NACC2: variants seen among roughly 807,000 people sequenced by gnomAD.
The protein encoded by NACC2 is nucleus accumbens-associated protein 2.
Under a neutral mutation model 25.1 loss-of-function variants are expected in NACC2, and 8 were observed. The ratio of observed to expected loss-of-function variants is 0.32; its 90% CI spans 0.19 to 0.57. The LOEUF (loss-of-function observed/expected upper bound fraction) is 0.57. Among genes scored for constraint, NACC2 ranks in the 20% least tolerant of loss-of-function variants. The pLI, the probability that NACC2 is intolerant of heterozygous loss-of-function variation, is 0.89. For synonymous variants in NACC2, 435 were observed against 294.7 expected, an observed-to-expected ratio of 1.48 and a Z score of -4.88; for missense variants, 644 against 650.2, an observed-to-expected ratio of 0.99 and a Z score of 0.10.
Position 136,086,525 on chromosome 9 carries a change from C to G in NACC2, c.-60+8664G>C, listed in dbSNP as rs1830380358. Among the ~76,000 whole-genome samples the G allele has an allele frequency of 6.6e-6, 1 of 152,184 alleles. No individual in the cohort carries two copies. Among genetic ancestry groups the G allele is most frequent in the African/African-American group, 2.4e-5 (1 of 41,448 alleles). The stretch of plus-strand genomic sequence containing the variant: ...ATGCCCCCAGCTTCCCGACAGCCAT[C>G]TGCCTGCCAGCACCCAGCCACGGTC... On this transcript the variant is annotated intron_variant, in intron 1 of 5. Transcript: ENST00000277554. The surrounding 1 kb of genome is among the most constrained non-coding windows in gnomAD (Gnocchi z 5.6).
At chr9:136,040,028 T>C (rs1840604473) in intron 2 of NACC2, among the ~76,000 whole-genome samples, 1 of 152,180 alleles carries the variant, frequency 6.6e-6, no homozygotes, top group Non-Finnish European at 1.5e-5. Context: ...GGTTGTAGAA[T>C]ACAAGGTCAA....
In NACC2 at chr9:136,007,441, GCGCACACACA is replaced by G. The variant is rs1840034232; in HGVS notation, c.*4065_*4074del. On this transcript the variant is annotated 3_prime_UTR_variant, in exon 6 of 6. Transcript: ENST00000277554. ...CGCGCGTGCACACATACACACAGAC[GCGCACACACA>G]CGCGCACACAGACGCACACACACAG... 9.0e-6 allele frequency: 1 copy of G among 111,536 alleles called. No homozygotes were observed. Among genetic ancestry groups the G allele is most frequent in the Non-Finnish European group, 1.9e-5 (1 of 51,566 alleles). The allele number at this position is 111,536 out of a possible 1,614,324, so 6.9% of individuals were successfully genotyped here.
intron 5 of NACC2, 22 bp from the exon 6 acceptor site, chr9:136,012,046 A>C (rs368882369): frequency 5.1e-5 from 77 of 1,501,160 alleles, no homozygotes; most frequent in Non-Finnish European, 6.7e-5. Context: ...GGGCGGCGTG[A>C]GCTCAGCCAC....
rs994225049 is a variant in NACC2 at position 136,036,412 on chromosome 9, T to C, written c.886+13224A>G. 2.1e-3 allele frequency among the ~76,000 whole-genome samples: 316 copies of C among 152,256 alleles called. 1 individual carries two copies. The highest frequency in any genetic ancestry group is 7.1e-3 in the African/African-American group (295 of 41,562). On this transcript the variant is annotated intron_variant, in intron 2 of 5. Transcript: ENST00000277554. ...TCACCTTAAGGAGAAGAAAAATCAG[T>C]AAACAGAAACAGACCAAGAAATGAC... is the stretch of plus-strand genomic sequence containing the variant.
At chr9:136,042,285 G>C (rs1039948745) in intron 2 of NACC2, among the ~76,000 whole-genome samples, 3,509 of 152,244 alleles carry the variant, frequency 0.023, 74 homozygotes, top group Non-Finnish European at 0.03. Flanking sequence ...ACCTTGTCCA[G>C]CCCAAAACAA....
At chr9:136,069,548 AAAAACAAAACAAAAC>A (rs377428585) in intron 1 of NACC2, among the ~76,000 whole-genome samples, 35 of 151,026 alleles carry the variant, frequency 2.3e-4, no homozygotes, top group Non-Finnish European at 4.7e-4. Flanking sequence ...AACTCTGTCA[AAAAACAAAACAAAAC>A]AAAACAAAAC....
intron 1 of NACC2, among the ~76,000 whole-genome samples, chr9:136,074,228 ATCACGAGGTCAGG>A: frequency 6.6e-6 from 1 of 151,064 alleles, no homozygotes; most frequent in South Asian, 2.1e-4. Flanking sequence ...AGGAGGGCAG[ATCACGAGGTCAGG>A]AGATCCAGAC....
At chr9:136,079,384 G>A (rs1830297700) in intron 1 of NACC2, among the ~76,000 whole-genome samples, 1 of 152,226 alleles carries the variant, frequency 6.6e-6, no homozygotes, top group African/African-American at 2.4e-5. Flanking sequence ...TACAAGCACA[G>A]GATGCCAACT....
At chr9:136,032,769 A>C (rs1173117861) in intron 2 of NACC2, among the ~76,000 whole-genome samples, 1 of 152,168 alleles carries the variant, frequency 6.6e-6, no homozygotes, top group Non-Finnish European at 1.5e-5. Context: ...ATGGTGGCTC[A>C]TGCCTGTAAT....
chr9:136,088,668 G>A (rs1325792098), intron 1 of NACC2, among the ~76,000 whole-genome samples: 1 of 152,140 alleles, frequency 6.6e-6, no homozygotes, highest in African/African-American at 2.4e-5. Context: ...CCGGCCAGGA[G>A]GCATCGTGGT....
intron 2 of NACC2, among the ~76,000 whole-genome samples, chr9:136,025,997 T>C (rs937573494): frequency 3.3e-5 from 5 of 152,066 alleles, no homozygotes. Flanking sequence ...CAGATGAGAT[T>C]TGTGAACTGG....
intron 1 of NACC2, among the ~76,000 whole-genome samples, chr9:136,080,320 GCCACCTCTCAGGGCAT>G (rs1830307629): frequency 6.6e-6 from 1 of 152,178 alleles, no homozygotes; most frequent in East Asian, 1.9e-4. Flanking sequence ...TACATGGGAT[GCCACCTCTCAGGGCAT>G]CCAAAACCCA....
intron 1 of NACC2, among the ~76,000 whole-genome samples, chr9:136,085,667 A>G (rs1438223851): frequency 6.6e-6 from 1 of 152,242 alleles, no homozygotes; most frequent in Non-Finnish European, 1.5e-5. Flanking sequence ...ACACTGGAAC[A>G]AGACACACAG....
At chr9:136,080,671 G>A (rs1465910926) in intron 1 of NACC2, among the ~76,000 whole-genome samples, 1 of 152,168 alleles carries the variant, frequency 6.6e-6, no homozygotes, top group African/African-American at 2.4e-5. Flanking sequence ...ACACTCCACG[G>A]AGCTCTTGCT....
Position 136,036,768 on chromosome 9 carries a change from A to G in NACC2, c.886+12868T>C, listed in dbSNP as rs991549072. ...AAGTCTAAATAATAATCAGAACCTC[A>G]GTGACAAAAACATACATTTAGTTTA... On this transcript the variant is annotated intron_variant, in intron 2 of 5. Transcript: ENST00000277554. Among the ~76,000 whole-genome samples the G allele has an allele frequency of 1.2e-4, 18 of 152,362 alleles. 1 individual carries two copies. Among genetic ancestry groups the G allele is most frequent in the South Asian group, 1.0e-3 (5 of 4,834 alleles).
chr9:136,027,475 GAA>G (rs1840410309), intron 2 of NACC2, among the ~76,000 whole-genome samples: 1 of 152,166 alleles, frequency 6.6e-6, no homozygotes, highest in Non-Finnish European at 1.5e-5. Flanking sequence ...GGGGCTCAGG[GAA>G]AGTCTCAACA....
chr9:136,050,044 C>T lies in NACC2; in HGVS notation c.478G>A (p.Val160Ile), dbSNP rs918743680. 334 of 718,934 alleles carry T rather than the reference C, an allele frequency of 4.6e-4. 2 individuals carry two copies. The highest frequency in any genetic ancestry group is 3.3e-3 in the South Asian group (218 of 66,328). The allele number at this position is 718,934 out of a possible 1,614,324, so 44.5% of individuals were successfully genotyped here. ...QPAAAAAAPYVVSPSVPIPLL... is the reference protein window; with the variant it reads ...QPAAAAAAPYIVSPSVPIPLL... ...GGGATGGGCACCGAGGGGGACACGA[C>T]GTAGGGGGCCGCGGCGGCGGCGGCC... Residue 160 changes from valine (V) to isoleucine (I), a missense_variant, in exon 2 of 6, where the codon GTC (valine) becomes ATC (isoleucine). Coordinates refer to ENST00000277554, the MANE Select transcript of NACC2 (RefSeq NM_144653.5).
chr9:136,075,425 G>C (rs1292602996), intron 1 of NACC2, among the ~76,000 whole-genome samples: 1 of 152,374 alleles, frequency 6.6e-6, no homozygotes, highest in South Asian at 2.1e-4. Flanking sequence ...ACTCGGAGGC[G>C]AATGTCTCCC....
At chr9:136,024,803 A>G (rs548778111) in intron 2 of NACC2, among the ~76,000 whole-genome samples, 31 of 152,290 alleles carry the variant, frequency 2.0e-4, no homozygotes, top group Middle Eastern at 3.4e-3. Context: ...GACCAACTAC[A>G]ACCCTGAGGG....
Sources: allele counts gnomAD v4.1 joint callset (sites outside exome capture counted in the v4.1 genomes callset), GRCh38; gene constraint gnomAD v4.1.1; non-coding constraint Gnocchi (gnomAD v3.1); transcripts MANE v1.5; gene names NCBI Gene and HGNC (gene_info 2026-07-23, HGNC 2026-07-21).